Variants in CUX1 observed in about 807,000 individuals in gnomAD.
The protein encoded by CUX1 is protein CASP.
Under a neutral mutation model 158.8 loss-of-function variants are expected in CUX1, and 31 were observed. That is an observed-to-expected ratio of 0.20 (90% confidence interval 0.15 to 0.26). CUX1 has a LOEUF of 0.26. Ranked by LOEUF, CUX1 falls within the 10% of genes least tolerant of loss-of-function variation. CUX1 has a pLI of 1.00. For missense variants in CUX1, 1,589 were observed against 2,014.6 expected (o/e 0.79, Z 4.04); for synonymous variants, 879 against 862.1 (o/e 1.02, Z -0.34).
At chr7:102,075,079 G>A (rs1229968552) in intron 4 of CUX1, among the ~76,000 whole-genome samples, 2 of 151,904 alleles carry the variant, frequency 1.3e-5, no homozygotes, top group African/African-American at 4.8e-5. Flanking sequence ...GGCTGGTCTC[G>A]AACTCCTGAC....
chr7:102,234,318 A>G, intron 22 of CUX1, 78 bp downstream of exon 22: 2 of 1,315,184 alleles, frequency 1.5e-6, no homozygotes, highest in Non-Finnish European at 9.9e-7. Flanking sequence ...TTTCACACAC[A>G]GCTGATGAGG....
At chr7:102,274,450 C>A (rs1791453932) in intron 16 of CUX1, 2 of 666,876 alleles carry the variant, frequency 3.0e-6, no homozygotes, top group Non-Finnish European at 5.1e-6. Flanking sequence ...GCAGCAGCAA[C>A]CTTCAAAGGG....
At chr7:102,158,442 A>G in intron 8 of CUX1, 118 bp from the exon 9 acceptor site, 2 of 906,808 alleles carry the variant, frequency 2.2e-6, no homozygotes, top group Non-Finnish European at 3.5e-6. Flanking sequence ...GCTGGACAGC[A>G]TTGACTCACG....
intron 11 of CUX1, among the ~76,000 whole-genome samples, chr7:102,188,994 A>C (rs1395869529): frequency 2.6e-5 from 4 of 152,026 alleles, no homozygotes; most frequent in African/African-American, 9.7e-5. Context: ...CCCTCCCCGC[A>C]GGACTCAGAC....
intron 15 of CUX1, among the ~76,000 whole-genome samples, chr7:102,197,907 C>T (rs1554518817): frequency 6.6e-6 from 1 of 152,078 alleles, no homozygotes. Context: ...ATTTAAGCAC[C>T]CTTTCTACCC....
intron 5 of CUX1, among the ~76,000 whole-genome samples, chr7:102,102,116 CA>C (rs1447930288): frequency 1.3e-5 from 2 of 152,034 alleles, no homozygotes; most frequent in African/African-American, 4.8e-5. Context: ...GCATTTCTTC[CA>C]GGACCTGAAC....
intron 2 of CUX1, among the ~76,000 whole-genome samples, chr7:101,974,932 C>G (rs1812453064): frequency 6.6e-6 from 1 of 152,092 alleles, no homozygotes; most frequent in Admixed American, 6.6e-5. Context: ...TGTCCATGTT[C>G]TTTGCCAATT....
intron 2 of CUX1, among the ~76,000 whole-genome samples, chr7:101,963,951 C>A (rs1167667213): frequency 6.6e-6 from 1 of 151,640 alleles, no homozygotes; most frequent in Non-Finnish European, 1.5e-5. Flanking sequence ...TGTGCCTGGG[C>A]AAGCCAATAT....
chr7:101,898,861 G>C (rs1801837775), intron 1 of CUX1, among the ~76,000 whole-genome samples: 1 of 152,230 alleles, frequency 6.6e-6, no homozygotes, highest in Non-Finnish European at 1.5e-5. Flanking sequence ...ACAGTGCTGG[G>C]ATTACAAAGC....
intron 1 of CUX1, among the ~76,000 whole-genome samples, chr7:101,898,561 TC>T (rs1470349250): frequency 6.6e-6 from 1 of 152,008 alleles, no homozygotes; most frequent in Non-Finnish European, 1.5e-5. Context: ...CAGAGACTAT[TC>T]TTGTTTCTTT....
In CUX1 at chr7:102,000,983, G is replaced by A. The variant is rs1213021353; in HGVS notation, c.142-27115G>A. ...TGTAGAGGTGGGGTATCGCTTTGTT[G>A]CCCAGGCTGGTCTTGAACTCATGGG... On this transcript the variant is annotated intron_variant, in intron 2 of 23. Coordinates refer to ENST00000292535, the MANE Select transcript of CUX1 (RefSeq NM_181552.4). Among the ~76,000 whole-genome samples, 6 of 152,080 alleles carry A rather than the reference G, an allele frequency of 3.9e-5. No homozygotes were observed. In the East Asian group the frequency reaches 1.2e-3, roughly 29 times the overall value.
chr7:101,884,437 G>A (rs1479816444), intron 1 of CUX1, among the ~76,000 whole-genome samples: 1 of 152,138 alleles, frequency 6.6e-6, no homozygotes, highest in African/African-American at 2.4e-5. Context: ...ATTTTTAGAT[G>A]GGGTAGGGAA....
At chr7:101,884,112 C>T (rs1453497533) in intron 1 of CUX1, among the ~76,000 whole-genome samples, 1 of 151,974 alleles carries the variant, frequency 6.6e-6, no homozygotes, top group Non-Finnish European at 1.5e-5. Flanking sequence ...CCAGGCTGGT[C>T]GTGAACTCCT....
chr7:102,261,114 G>A (rs186973828), downstream of CUX1, among the ~76,000 whole-genome samples: 69 of 152,348 alleles, frequency 4.5e-4, no homozygotes, highest in Non-Finnish European at 8.7e-4. Context: ...CCACAGACAG[G>A]GGAGACACAG....
At chr7:102,118,174 C>G (rs1831634322) in intron 8 of CUX1, among the ~76,000 whole-genome samples, 1 of 152,220 alleles carries the variant, frequency 6.6e-6, no homozygotes, top group South Asian at 2.1e-4. Flanking sequence ...ATATAAGCCC[C>G]TTGGGGCAAA....
intron 20 of CUX1, among the ~76,000 whole-genome samples, chr7:102,224,774 C>T (rs892990877): frequency 2.0e-5 from 3 of 152,168 alleles, no homozygotes; most frequent in African/African-American, 4.8e-5. Flanking sequence ...GGTGGCTCTG[C>T]CTCCGCCAGC....
rs545829736 is a variant in CUX1 at position 102,206,067 on chromosome 7, C to G, written c.3130+897C>G. The stretch of plus-strand genomic sequence containing the variant: ...AACACAAACAAAGCTAACAGGAGCA[C>G]GAAGCCCGCCAGCTTGCCGCAAGCT... On this transcript the variant is annotated intron_variant, in intron 20 of 23. Coordinates refer to ENST00000292535, the MANE Select transcript of CUX1 (RefSeq NM_181552.4). 2.0e-5 allele frequency among the ~76,000 whole-genome samples: 3 copies of G among 152,316 alleles called. No homozygotes were observed. The South Asian group carries it at 6.2e-4, about 32-fold the overall frequency.
intron 2 of CUX1, among the ~76,000 whole-genome samples, chr7:101,918,973 T>G (rs1365075665): frequency 6.6e-6 from 1 of 152,142 alleles, no homozygotes; most frequent in East Asian, 1.9e-4. Context: ...TTTAGTAGAT[T>G]TCACTATGTT....
intron 3 of CUX1, among the ~76,000 whole-genome samples, chr7:102,036,466 G>A (rs866198751): frequency 2.6e-5 from 4 of 152,090 alleles, no homozygotes; most frequent in South Asian, 4.2e-4. Context: ...CTGGCCGAGC[G>A]CGTTGGCTCT....
Sources: allele counts gnomAD v4.1 joint callset (sites outside exome capture counted in the v4.1 genomes callset), GRCh38; gene constraint gnomAD v4.1.1; transcripts MANE v1.5; gene names NCBI Gene and HGNC (gene_info 2026-07-23, HGNC 2026-07-21).